The following PACRGL variants were observed in gnomAD, a reference collection of about 807,000 sequenced individuals.
PACRGL encodes the protein PACRG-like protein.
A neutral mutation model predicts 34.5 loss-of-function variants in PACRGL; 38 were observed. That is an observed-to-expected ratio of 1.10 (90% CI 0.85 to 1.44). The LOEUF (loss-of-function observed/expected upper bound fraction) is 1.44. Ranked by LOEUF, PACRGL falls within the 40% of genes most tolerant of loss-of-function variation. The pLI, the probability that PACRGL is intolerant of heterozygous loss-of-function variation, is 0.00. For synonymous variants in PACRGL, 128 were observed against 100.1 expected, an observed-to-expected ratio of 1.28 and a Z score of -1.66; for missense variants, 305 against 281.4, an observed-to-expected ratio of 1.08 and a Z score of -0.60.
At chr4:20,712,979 G>C (rs1738016998) in intron 6 of PACRGL, 57 bp downstream of exon 6, 1 of 1,412,492 alleles carries the variant, frequency 7.1e-7, no homozygotes, top group South Asian at 1.7e-5. Context: ...AAAGAAAGCT[G>C]TAATATATTT....
upstream of PACRGL, among the ~76,000 whole-genome samples, chr4:20,699,051 T>A (rs1184498072): frequency 6.6e-6 from 1 of 152,202 alleles, no homozygotes; most frequent in Non-Finnish European, 1.5e-5. Context: ...TCTGCGATAC[T>A]GAATACAAAT....
In PACRGL at chr4:20,752,098, C is replaced by T. The variant is rs77629062; in HGVS notation, c.*57-467C>T. ...TTTGAGACAAAGTACTGCTCTTGTC[C>T]CCCAGGCTGGAGTGCAATGGCACGA... On this transcript the variant is annotated intron_variant, in intron 8 of 8. Transcript: ENST00000507634. Among the ~76,000 whole-genome samples the T allele has an allele frequency of 2.3e-3, 322 of 141,468 alleles. 8 individuals are homozygous for T. The South Asian group carries it at 0.045, about 20-fold the overall frequency. 92.8% of individuals were successfully genotyped at this position (141,468 alleles called of 152,430 possible).
intron 7 of PACRGL, among the ~76,000 whole-genome samples, chr4:20,724,528 C>G (rs1273899999): frequency 6.6e-6 from 1 of 152,116 alleles, no homozygotes; most frequent in Non-Finnish European, 1.5e-5. Context: ...AATGCTCTTG[C>G]AAATTACAGA....
rs1744956386 is a variant in PACRGL, at chr4:20,724,862, C to T, written c.664C>T (p.Gln222Ter). The change falls in exon 8 of 9, where the codon CAA becomes TAA. Residue 222 changes from glutamine to a stop codon, truncating the protein, a stop_gained. Coordinates refer to ENST00000503585, the MANE Select transcript of PACRGL (RefSeq NM_001258345.3). LOFTEE classifies it high-confidence loss of function. ...KFKEPITSAL[Q>*]KLEQHGGSGS... Reference sequence around the variant, plus strand: ...CAAAGAGCCAATCACCAGCGCATTACAAAAGCTAGAGCAACATGGTGGAAG... The same window carrying T: ...CAAAGAGCCAATCACCAGCGCATTATAAAAGCTAGAGCAACATGGTGGAAG... The T allele has an allele frequency of 6.7e-7, 1 of 1,495,830 alleles. No individual in the cohort carries two copies. The highest frequency in any genetic ancestry group is 1.4e-5 in the African/African-American group (1 of 70,838). The allele number at this position is 1,495,830 out of a possible 1,614,324, so 92.7% of individuals were successfully genotyped here.
At chr4:20,757,179 C>A (rs1205135714), downstream of PACRGL, among the ~76,000 whole-genome samples, 1 of 152,082 alleles carries the variant, frequency 6.6e-6, no homozygotes, top group Non-Finnish European at 1.5e-5. Flanking sequence ...TCTCTTTATG[C>A]CACAAAAAGT....
At chr4:20,708,878 G>A (rs897729217) in intron 4 of PACRGL, among the ~76,000 whole-genome samples, 4 of 151,806 alleles carry the variant, frequency 2.6e-5, no homozygotes, top group African/African-American at 9.7e-5. Flanking sequence ...TGTAATCCCA[G>A]CACTTTGGGA....
In PACRGL at chr4:20,700,486, G is replaced by C. The variant is rs901048192; in HGVS notation, c.-318G>C. The C allele has an allele frequency of 2.6e-5, 4 of 152,312 alleles. No homozygotes were observed. In the South Asian group the frequency reaches 6.2e-4, roughly 24 times the overall value. The allele number at this position is 152,312 out of a possible 1,614,324, so 9.4% of individuals were successfully genotyped here. ...TCCCCAAACGCAGGCGCTCGGTGGC[G>C]GTAGCCGCGGTTGTTGGCCGACCGA... On this transcript the variant is annotated 5_prime_UTR_variant, in exon 1 of 9. Transcript: ENST00000503585.
upstream of PACRGL, among the ~76,000 whole-genome samples, chr4:20,697,052 C>A (rs1291062560): frequency 2.6e-5 from 4 of 152,202 alleles, no homozygotes; most frequent in Admixed American, 6.5e-5. Flanking sequence ...CATCACTTTT[C>A]TATTGGACAA....
At position 20,709,654 on chromosome 4, in the gene PACRGL, T is replaced by A. The variant is rs370773646; in HGVS notation, c.276-29T>A. 49 of 1,375,350 alleles carry A rather than the reference T, an allele frequency of 3.6e-5. 1 individual carries two copies. The African/African-American group carries it at 6.1e-4, about 17-fold the overall frequency. The allele number at this position is 1,375,350 out of a possible 1,614,324, so 85.2% of individuals were successfully genotyped here. On this transcript the variant is annotated intron_variant, in intron 4 of 8. Coordinates refer to ENST00000503585, the MANE Select transcript of PACRGL (RefSeq NM_001258345.3). ...GCTTAATATAGAATTATATTTTTCTTGTTGCATTCACTAACTTTTATATTT... is the reference window on the plus strand; with the variant it reads ...GCTTAATATAGAATTATATTTTTCTAGTTGCATTCACTAACTTTTATATTT...
intron 8 of PACRGL, among the ~76,000 whole-genome samples, chr4:20,740,481 A>G (rs1750800037): frequency 6.6e-6 from 1 of 152,186 alleles, no homozygotes; most frequent in Non-Finnish European, 1.5e-5. Flanking sequence ...ACTAAGCTTC[A>G]TAAGTGAAGG....
intron 3 of PACRGL, among the ~76,000 whole-genome samples, chr4:20,706,110 T>C (rs1183120941): frequency 6.6e-6 from 1 of 151,908 alleles, no homozygotes; most frequent in Non-Finnish European, 1.5e-5. Context: ...TTGAATGGGA[T>C]AACATTTTTC....
In PACRGL at chr4:20,707,423, C is replaced by T. The variant is rs73805126; in HGVS notation, c.208-380C>T. 5.2e-3 allele frequency among the ~76,000 whole-genome samples: 797 copies of T among 152,274 alleles called. 9 individuals carry two copies. Among genetic ancestry groups the T allele is most frequent in the African/African-American group, 0.018 (739 of 41,532 alleles). On this transcript the variant is annotated intron_variant, in intron 3 of 8. Coordinates refer to ENST00000503585, the MANE Select transcript of PACRGL (RefSeq NM_001258345.3). ...CAGTTTGGAGAAATGTGACTACCTA[C>T]GCCATCTGTATTTGGCTGAAGCACA...
rs180792947 is a variant in PACRGL at position 20,741,634 on chromosome 4, A to G, written c.*57-10931A>G. On this transcript the variant is annotated intron_variant, in intron 8 of 8. Transcript: ENST00000507634. ...AGAAAGCAGGAAAGATCTAAAATCA[A>G]CACCCTAACATCACAATTAAAAGAA... Among the ~76,000 whole-genome samples, 28 of 152,332 alleles carry G rather than the reference A, an allele frequency of 1.8e-4. No homozygotes were observed. In the East Asian group the frequency reaches 3.5e-3, roughly 19 times the overall value.
rs1304194281 is a variant in PACRGL, at chr4:20,729,125, G to GAATGGCTTGTAATATAAA, written c.*1785_*1802dup. 2.0e-5 allele frequency: 3 copies of GAATGGCTTGTAATATAAA among 151,790 alleles called. No individual in the cohort carries two copies. Among genetic ancestry groups the GAATGGCTTGTAATATAAA allele is most frequent in the African/African-American group, 7.3e-5 (3 of 41,320 alleles). The allele number at this position is 151,790 out of a possible 1,614,324, so 9.4% of individuals were successfully genotyped here. On this transcript the variant is annotated 3_prime_UTR_variant, in exon 9 of 9. Coordinates refer to ENST00000503585, the MANE Select transcript of PACRGL (RefSeq NM_001258345.3). ...AGTCAAGGTTTCTTTCTTTGTCCCTGAATGGCTTGTAATATAAATAAACAT... is the reference window on the plus strand; with the variant it reads ...AGTCAAGGTTTCTTTCTTTGTCCCTGAATGGCTTGTAATATAAAAATGGCTTGTAATATAAATAAACAT...
intron 1 of PACRGL, among the ~76,000 whole-genome samples, chr4:20,701,333 C>CT (rs1732086384): frequency 6.6e-6 from 1 of 152,134 alleles, no homozygotes. Context: ...ACCAAGGAAG[C>CT]TTTAAGGGGA....
intron 8 of PACRGL, chr4:20,749,588 C>G: frequency 9.4e-7 from 1 of 1,067,664 alleles, no homozygotes; most frequent in Non-Finnish European, 1.4e-6. Context: ...ATAATCATCA[C>G]CAAACTCACA....
chr4:20,717,554 C>G (rs1481257623), intron 7 of PACRGL, among the ~76,000 whole-genome samples: 5 of 152,188 alleles, frequency 3.3e-5, no homozygotes, highest in Admixed American at 6.5e-5. Context: ...CTCCATATGG[C>G]TAGCCAGTTT....
At chr4:20,756,792 CTT>C (rs1754510846), downstream of PACRGL, among the ~76,000 whole-genome samples, 2 of 152,058 alleles carry the variant, frequency 1.3e-5, no homozygotes, top group Non-Finnish European at 2.9e-5. Flanking sequence ...ATCTATCTCT[CTT>C]GTGTTTATTT....
At chr4:20,701,668 G>T in intron 1 of PACRGL, 1 of 331,338 alleles carries the variant, frequency 3.0e-6, no homozygotes, top group Admixed American at 3.9e-5. Context: ...ATGCTTCCAG[G>T]TGGATATTAT....
Sources: allele counts gnomAD v4.1 joint callset (sites outside exome capture counted in the v4.1 genomes callset), GRCh38; gene constraint gnomAD v4.1.1; transcripts MANE v1.5; gene names NCBI Gene and HGNC (gene_info 2026-07-23, HGNC 2026-07-21).